Variants in AGBL4 observed in about 807,000 individuals in gnomAD.
AGBL4 encodes cytosolic carboxypeptidase 6.
Under a neutral mutation model 66.4 loss-of-function variants are expected in AGBL4, and 58 were observed. That is an observed-to-expected ratio of 0.87 (90% confidence interval 0.71 to 1.09). The LOEUF is 1.09. Among genes scored for constraint, AGBL4 ranks in the 50% least tolerant of loss-of-function variants. The pLI, the probability that AGBL4 is intolerant of heterozygous loss-of-function variation, is 0.00. For synonymous variants in AGBL4, 234 were observed against 222.9 expected (o/e 1.05, Z -0.44); for missense variants, 579 against 631.0 (o/e 0.92, Z 0.88).
chr1:48,746,164 G>T (rs895949996), intron 6 of AGBL4, among the ~76,000 whole-genome samples: 2 of 152,078 alleles, frequency 1.3e-5, no homozygotes, highest in African/African-American at 2.4e-5. Context: ...GATTAAATCA[G>T]ATAACTATAT....
chr1:49,283,868 G>A (rs201446794), intron 3 of AGBL4, among the ~76,000 whole-genome samples: 1 of 147,410 alleles, frequency 6.8e-6, no homozygotes, highest in Admixed American at 6.8e-5. Context: ...ATGGGACTAT[G>A]TGAAAAGACC....
downstream of AGBL4, among the ~76,000 whole-genome samples, chr1:48,531,217 C>T (rs1335248433): frequency 1.3e-5 from 2 of 151,924 alleles, no homozygotes; most frequent in African/African-American, 4.8e-5. Context: ...TTCTCTCTCT[C>T]TCTCTCTCAA....
intron 1 of AGBL4, among the ~76,000 whole-genome samples, chr1:50,008,638 GA>G (rs1276386431): frequency 6.6e-6 from 1 of 150,766 alleles, no homozygotes; most frequent in South Asian, 2.1e-4. Flanking sequence ...AAAATTAATA[GA>G]AAAAAATAAT....
intron 4 of AGBL4, among the ~76,000 whole-genome samples, chr1:49,130,959 T>C (rs1645881216): frequency 1.3e-5 from 2 of 152,160 alleles, no homozygotes; most frequent in South Asian, 4.1e-4. Flanking sequence ...CAAAAAATCT[T>C]GTACATAAAC....
At chr1:49,633,777 A>G (rs2124369822) in intron 3 of AGBL4, among the ~76,000 whole-genome samples, 1 of 150,752 alleles carries the variant, frequency 6.6e-6, no homozygotes, top group African/African-American at 2.4e-5. Flanking sequence ...ATACATGTAT[A>G]TTTAAATATT....
intron 3 of AGBL4, among the ~76,000 whole-genome samples, chr1:49,511,065 GA>G (rs1649193961): frequency 6.6e-6 from 1 of 151,898 alleles, no homozygotes; most frequent in Non-Finnish European, 1.5e-5. Context: ...CAGGGATCTA[GA>G]ACTAGAAATA....
intron 6 of AGBL4, among the ~76,000 whole-genome samples, chr1:48,751,646 C>G (rs1460158296): frequency 2.0e-5 from 3 of 151,736 alleles, no homozygotes; most frequent in Non-Finnish European, 4.4e-5. Flanking sequence ...CTGGCAAATC[C>G]AAAAAAAACA....
intron 5 of AGBL4, among the ~76,000 whole-genome samples, chr1:48,942,310 TGG>T (rs4028314): frequency 0.36 from 51,812 of 143,100 alleles, 10,905 homozygotes; most frequent in Non-Finnish European, 0.49. Flanking sequence ...ATTATTGTGG[TGG>T]GGGGGGGGGG....
At position 49,269,268 on chromosome 1, in the gene AGBL4, C is replaced by T. The variant is rs539953324; in HGVS notation, c.283-23404G>A. ...CCATCCGGTTGGCCCATGGACTTAA[C>T]GAGCATTAATAAATGTTTCCTGTCT... On this transcript the variant is annotated intron_variant, in intron 3 of 13. Transcript: ENST00000371839. The T allele has an allele frequency of 4.6e-5, 7 of 152,242 alleles. No individual in the cohort carries two copies. In the South Asian group the frequency reaches 6.2e-4, roughly 14 times the overall value. The allele number at this position is 152,242 out of a possible 1,614,324, so 9.4% of individuals were successfully genotyped here.
chr1:48,631,506 T>C (rs1645592999), intron 9 of AGBL4, among the ~76,000 whole-genome samples: 1 of 152,192 alleles, frequency 6.6e-6, no homozygotes, highest in Admixed American at 6.5e-5. Context: ...TTCTCCTGCC[T>C]CAGCCTCCTG....
At chr1:49,868,724 A>G (rs1426792804) in intron 1 of AGBL4, among the ~76,000 whole-genome samples, 2 of 152,232 alleles carry the variant, frequency 1.3e-5, no homozygotes, top group Non-Finnish European at 2.9e-5. Context: ...CGTCAAAAGC[A>G]ATTGCAACAA....
chr1:49,329,732 A>C (rs1645295790), intron 3 of AGBL4, among the ~76,000 whole-genome samples: 1 of 151,840 alleles, frequency 6.6e-6, no homozygotes, highest in African/African-American at 2.4e-5. Context: ...TTGTCTATCA[A>C]AATTCTATTA....
chr1:49,398,387 G>C (rs557811330), intron 3 of AGBL4, among the ~76,000 whole-genome samples: 1 of 151,196 alleles, frequency 6.6e-6, no homozygotes, highest in African/African-American at 2.4e-5. Flanking sequence ...TTTCAGACCT[G>C]TGAACTCTAG....
intron 3 of AGBL4, among the ~76,000 whole-genome samples, chr1:49,458,771 G>C (rs1237708798): frequency 6.6e-6 from 1 of 151,502 alleles, no homozygotes; most frequent in East Asian, 1.9e-4. Flanking sequence ...AATCATAAAG[G>C]GATGGTGGAT....
intron 3 of AGBL4, among the ~76,000 whole-genome samples, chr1:49,614,101 C>T (rs573845188): frequency 5.3e-5 from 8 of 151,998 alleles, no homozygotes; most frequent in African/African-American, 1.2e-4. Context: ...TAAAATTGCA[C>T]GAATTACAGA....
At chr1:49,522,943 C>A (rs1401551273) in intron 3 of AGBL4, among the ~76,000 whole-genome samples, 1 of 151,994 alleles carries the variant, frequency 6.6e-6, no homozygotes, top group African/African-American at 2.4e-5. Flanking sequence ...GGTGTACCTG[C>A]CCCTTGGAAA....
At chr1:48,913,408 G>C (rs1249252986) in intron 5 of AGBL4, among the ~76,000 whole-genome samples, 2 of 152,200 alleles carry the variant, frequency 1.3e-5, no homozygotes, top group Non-Finnish European at 2.9e-5. Flanking sequence ...AGCAGGAGGT[G>C]AGCGGCGGGC....
intron 6 of AGBL4, among the ~76,000 whole-genome samples, chr1:48,699,685 C>T (rs958477871): frequency 3.9e-5 from 6 of 152,238 alleles, no homozygotes; most frequent in Non-Finnish European, 8.8e-5. Context: ...ATATTCTACA[C>T]TGTCTCCCAG....
rs1647187006 is a variant in AGBL4 at position 48,857,057 on chromosome 1, A to C, written c.634+10134T>G. On this transcript the variant is annotated intron_variant, in intron 6 of 13. Coordinates refer to ENST00000371839, the MANE Select transcript of AGBL4 (RefSeq NM_032785.4). ...ACTTATTAATTGTGTTCACGTGGAC[A>C]GTTCATATAATCTCATAGCAGCTTG... is the stretch of plus-strand genomic sequence containing the variant. 4.6e-5 allele frequency among the ~76,000 whole-genome samples: 7 copies of C among 152,352 alleles called. 1 individual carries two copies. The South Asian group carries it at 1.5e-3, about 32-fold the overall frequency.
Sources: gnomAD v4.1 joint callset for allele counts (sites outside exome capture counted in the v4.1 genomes callset) on GRCh38, gnomAD v4.1.1 for gene constraint, MANE v1.5 for transcripts, NCBI Gene and HGNC (gene_info 2026-07-23, HGNC 2026-07-21) for gene names.